PIEZO2: variants seen among roughly 807,000 people sequenced by gnomAD.
PIEZO2 encodes piezo-type mechanosensitive ion channel component 2.
In PIEZO2, 172 loss-of-function variants were observed where a neutral mutation model predicts 337.3. The ratio of observed to expected loss-of-function variants is 0.51; its 90% confidence interval spans 0.45 to 0.58. PIEZO2 has a LOEUF of 0.58. Among genes scored for constraint, PIEZO2 ranks in the 20% least tolerant of loss-of-function variants. PIEZO2 has a pLI of 0.00. For missense variants in PIEZO2, 3,028 were observed against 3,391.3 expected (o/e 0.89, Z 2.66); for synonymous variants, 1,251 against 1,228.5 (o/e 1.02, Z -0.38).
At position 10,781,101 on chromosome 18, in the gene PIEZO2, TAA is replaced by T. The variant is rs1453288542; in HGVS notation, c.2493-737_2493-736del. On this transcript the variant is annotated intron_variant, in intron 17 of 55. Coordinates refer to ENST00000674853, the MANE Select transcript of PIEZO2 (RefSeq NM_001378183.1). This position sits in a 1 kb window ranked among gnomAD's most constrained non-coding sequence, Gnocchi z 4.1. ...CTAAGGTTTTGCTAAAACTATAGTT[TAA>T]AAAAAGTCATTTCATTTCTCTATGC... Among the ~76,000 whole-genome samples the T allele has an allele frequency of 1.3e-5, 2 of 152,036 alleles. No individual in the cohort carries two copies. The highest frequency in any genetic ancestry group is 2.9e-5 in the Non-Finnish European group (2 of 68,018).
chr18:11,026,445 T>G (rs2036545532), intron 2 of PIEZO2, among the ~76,000 whole-genome samples: 1 of 152,072 alleles, frequency 6.6e-6, no homozygotes, highest in Non-Finnish European at 1.5e-5. Context: ...CCGGAGTGGC[T>G]CCTCAGCACC....
chr18:10,951,726 T>C (rs1377492199), intron 3 of PIEZO2, among the ~76,000 whole-genome samples: 1 of 152,208 alleles, frequency 6.6e-6, no homozygotes, highest in Admixed American at 6.5e-5. Flanking sequence ...CTGTACCAGC[T>C]TCATCATATG....
intron 2 of PIEZO2, among the ~76,000 whole-genome samples, chr18:10,987,359 A>G (rs1398206071): frequency 6.6e-6 from 1 of 152,142 alleles, no homozygotes; most frequent in Admixed American, 6.5e-5. Flanking sequence ...ATAAAAACAG[A>G]CACACAGAAA....
In PIEZO2 at chr18:10,671,479, A is replaced by T. The variant is rs750982606; in HGVS notation, c.*48T>A. ...GCTCTTATGAGAATATTGTGCTTTT[A>T]AAAAAAATTCAAATGTTAACATTAT... On this transcript the variant is annotated 3_prime_UTR_variant, in exon 56 of 56. Transcript: ENST00000674853. 1.2e-5 allele frequency: 19 copies of T among 1,547,608 alleles called. No homozygotes were observed. The highest frequency in any genetic ancestry group is 3.5e-4 in the Middle Eastern group (2 of 5,718).
At chr18:10,683,642 TA>T (rs1251119311) in intron 49 of PIEZO2, among the ~76,000 whole-genome samples, 1 of 152,240 alleles carries the variant, frequency 6.6e-6, no homozygotes, top group African/African-American at 2.4e-5. Context: ...CACAAATATA[TA>T]TACACACATA....
At position 11,004,905 on chromosome 18, in the gene PIEZO2, A is replaced by G. The variant is rs373490519; in HGVS notation, c.161-25245T>C. On this transcript the variant is annotated intron_variant, in intron 2 of 55. Transcript: ENST00000674853. ...TTCTTGAGAGCAGGAGACAAGTGCC[A>G]TGCCCCTCTGGACACTCCTGAGTGT... is the stretch of plus-strand genomic sequence containing the variant. Among the ~76,000 whole-genome samples the G allele has an allele frequency of 1.7e-4, 26 of 152,372 alleles. No homozygotes were observed. In the South Asian group the frequency reaches 3.7e-3, roughly 22 times the overall value.
intron 9 of PIEZO2, among the ~76,000 whole-genome samples, chr18:10,801,836 C>T (rs7241692): frequency 0.28 from 42,538 of 151,978 alleles, 6,972 homozygotes; most frequent in Middle Eastern, 0.41. Context: ...CCTGTAATCC[C>T]AGCACTTTGA....
At chr18:10,808,123 C>T (rs1315620252) in intron 7 of PIEZO2, among the ~76,000 whole-genome samples, 1 of 152,192 alleles carries the variant, frequency 6.6e-6, no homozygotes, top group Admixed American at 6.5e-5. Flanking sequence ...GGGTCTCGCT[C>T]TGTCACCCAG....
chr18:10,803,851 G>T, intron 9 of PIEZO2, 24 bp downstream of exon 9: 1 of 1,536,006 alleles, frequency 6.5e-7, no homozygotes, highest in Non-Finnish European at 8.7e-7. Flanking sequence ...TTAGGGAACG[G>T]AAATCCCTTT....
At chr18:10,732,013 A>G (rs2036807554) in intron 35 of PIEZO2, among the ~76,000 whole-genome samples, 1 of 152,172 alleles carries the variant, frequency 6.6e-6, no homozygotes, top group Non-Finnish European at 1.5e-5. Flanking sequence ...TGAGAAAGGG[A>G]TTTGGAGAAT....
intron 43 of PIEZO2, among the ~76,000 whole-genome samples, chr18:10,699,770 A>C (rs1173281718): frequency 1.3e-5 from 2 of 152,244 alleles, no homozygotes; most frequent in African/African-American, 2.4e-5. Context: ...AGATGGACTA[A>C]GGAAGAAATT....
In PIEZO2 at chr18:10,717,644, C is replaced by T. The variant is rs116506674; in HGVS notation, c.5089+556G>A. On this transcript the variant is annotated intron_variant, in intron 37 of 55. Coordinates refer to ENST00000674853, the MANE Select transcript of PIEZO2 (RefSeq NM_001378183.1). ...CTCCAAATCACATACTATGAGGAGC[C>T]CAAATGGCACTGTGGCTGGACTGGC... Among the ~76,000 whole-genome samples, 1,093 of 152,266 alleles carry T rather than the reference C, an allele frequency of 7.2e-3. 14 individuals carry two copies. Among genetic ancestry groups the T allele is most frequent in the African/African-American group, 0.025 (1,024 of 41,536 alleles).
At chr18:10,711,769 T>C (rs1339858139) in intron 39 of PIEZO2, among the ~76,000 whole-genome samples, 3 of 152,314 alleles carry the variant, frequency 2.0e-5, no homozygotes, top group Non-Finnish European at 4.4e-5. Context: ...ATGTACGTGA[T>C]CGTATTCTTC....
At chr18:11,062,514 ACAAAGG>A (rs1307003668) in intron 2 of PIEZO2, among the ~76,000 whole-genome samples, 4 of 152,240 alleles carry the variant, frequency 2.6e-5, no homozygotes, top group Non-Finnish European at 5.9e-5. Context: ...TACTCATCTG[ACAAAGG>A]GCTAATATCC....
At chr18:10,959,938 C>T (rs910141395) in intron 3 of PIEZO2, among the ~76,000 whole-genome samples, 1 of 152,134 alleles carries the variant, frequency 6.6e-6, no homozygotes, top group Non-Finnish European at 1.5e-5. Flanking sequence ...AACACTGACT[C>T]TTTTTTGAGT....
At chr18:11,051,746 G>A (rs2037544922) in intron 2 of PIEZO2, among the ~76,000 whole-genome samples, 1 of 152,200 alleles carries the variant, frequency 6.6e-6, no homozygotes, top group African/African-American at 2.4e-5. Flanking sequence ...CAATTATTGT[G>A]AGTAAATGGA....
intron 1 of PIEZO2, among the ~76,000 whole-genome samples, chr18:11,119,634 C>T (rs939370460): frequency 1.3e-5 from 2 of 152,062 alleles, no homozygotes; most frequent in East Asian, 1.9e-4. Flanking sequence ...AGAGTAGGGA[C>T]GAGGCAACAA....
intron 3 of PIEZO2, among the ~76,000 whole-genome samples, chr18:10,933,929 T>A (rs2032230506): frequency 6.6e-6 from 1 of 152,228 alleles, no homozygotes; most frequent in South Asian, 2.1e-4. Flanking sequence ...TGCTTCCCCT[T>A]TGCTTTTTGC....
chr18:10,794,935 A>T lies in PIEZO2; in HGVS notation c.1595T>A (p.Met532Lys), dbSNP rs932520673. The T allele has an allele frequency of 1.9e-6, 3 of 1,545,758 alleles. No individual in the cohort carries two copies. In the Admixed American group the frequency reaches 5.9e-5, roughly 30 times the overall value. The change falls in exon 13 of 56, where the codon ATG (methionine) becomes AAG (lysine). Residue 532 changes from methionine (M) to lysine (K), a missense_variant. By Grantham distance (95) the Met-to-Lys change is moderately conservative (BLOSUM62 -1). Transcript: ENST00000674853. The surrounding 1 kb of genome is among the most constrained non-coding windows in gnomAD (Gnocchi z 6.6). The part of the protein sequence containing the change: ...VLLIWSCTLW[M>K]IRNRRKYAMI... Reference sequence around the variant, plus strand: ...GGCATATTTTCTTCTGTTGCGAATCATCCAAAGAGTGCACGACCAGATCAG... The same window carrying T: ...GGCATATTTTCTTCTGTTGCGAATCTTCCAAAGAGTGCACGACCAGATCAG...
Sources: gnomAD v4.1 joint callset for allele counts (sites outside exome capture counted in the v4.1 genomes callset) on GRCh38, gnomAD v4.1.1 for gene constraint, Gnocchi (gnomAD v3.1) non-coding constraint, MANE v1.5 for transcripts, NCBI Gene and HGNC (gene_info 2026-07-23, HGNC 2026-07-21) for gene names.